PCLO: variants seen among roughly 807,000 people sequenced by gnomAD.
The protein encoded by PCLO is piccolo presynaptic cytomatrix protein.
A neutral mutation model predicts 427.5 loss-of-function variants in PCLO; 82 were observed. That is an observed-to-expected ratio of 0.19 (90% CI 0.16 to 0.23). The LOEUF is 0.23. Among genes scored for constraint, PCLO ranks in the 10% least tolerant of loss-of-function variants. The probability of loss-of-function intolerance (pLI) is 1.00; values close to 1 mark genes in which losing one functional copy is unlikely to be tolerated. For synonymous variants in PCLO, 2,357 were observed against 2,155.4 expected, an observed-to-expected ratio of 1.09 and a Z score of -2.59; for missense variants, 6,239 against 6,115.9, an observed-to-expected ratio of 1.02 and a Z score of -0.67.
chr7:82,766,149 G>C (rs776272393), intron 22 of PCLO, among the ~76,000 whole-genome samples: 5 of 152,094 alleles, frequency 3.3e-5, no homozygotes, highest in Non-Finnish European at 7.4e-5. Flanking sequence ...TGAACAATGA[G>C]AGTAGCTAGC....
chr7:82,803,413 A>T (rs1659122123), intron 21 of PCLO, among the ~76,000 whole-genome samples: 1 of 152,068 alleles, frequency 6.6e-6, no homozygotes, highest in Non-Finnish European at 1.5e-5. Context: ...CATTTTGATA[A>T]TTTTTGGGGT....
Position 82,855,354 on chromosome 7 carries a change from T to C in PCLO, c.13655-8107A>G, listed in dbSNP as rs551453037. ...CCCACAGAATGGTAGTACAGAAATATGAACCCCAACCATCTCCTAGGCCAA... is the reference window on the plus strand; with the variant it reads ...CCCACAGAATGGTAGTACAGAAATACGAACCCCAACCATCTCCTAGGCCAA... On this transcript the variant is annotated intron_variant, in intron 10 of 24. Transcript: ENST00000333891. Among the ~76,000 whole-genome samples, 78 of 152,206 alleles carry C rather than the reference T, an allele frequency of 5.1e-4. 1 individual carries two copies. In the South Asian group the frequency reaches 0.016, roughly 31 times the overall value.
At position 82,923,551 on chromosome 7, in the gene PCLO, GA is replaced by G. The variant is rs760170893; in HGVS notation, c.11113-6679del. On this transcript the variant is annotated intron_variant, in intron 6 of 24. Transcript: ENST00000333891. The stretch of plus-strand genomic sequence containing the variant: ...TTCAAACTGTAAATGTGCAATCACT[GA>G]CAATGATTTCTAATGCAGTATGTTA... Among the ~76,000 whole-genome samples, 5 of 152,180 alleles carry G rather than the reference GA, an allele frequency of 3.3e-5. No individual in the cohort carries two copies. The South Asian group carries it at 6.2e-4, about 19-fold the overall frequency.
intron 3 of PCLO, among the ~76,000 whole-genome samples, chr7:82,987,123 A>T (rs1240334324): frequency 6.6e-6 from 1 of 152,036 alleles, no homozygotes; most frequent in African/African-American, 2.4e-5. Context: ...TACCTGTTTA[A>T]ACTATCAATT....
At chr7:83,041,756 A>G (rs977663365) in intron 3 of PCLO, among the ~76,000 whole-genome samples, 3 of 152,212 alleles carry the variant, frequency 2.0e-5, no homozygotes, top group African/African-American at 7.2e-5. Flanking sequence ...ACAAGATCAA[A>G]ATCTTCATTT....
intron 3 of PCLO, among the ~76,000 whole-genome samples, chr7:83,112,620 G>A (rs1025287341): frequency 1.3e-5 from 2 of 152,192 alleles, no homozygotes; most frequent in South Asian, 2.1e-4. Context: ...AGTTTTCTAA[G>A]GCTTTCCAAA....
intron 22 of PCLO, among the ~76,000 whole-genome samples, chr7:82,791,714 C>G (rs1791105696): frequency 6.6e-6 from 1 of 152,058 alleles, no homozygotes; most frequent in Non-Finnish European, 1.5e-5. Flanking sequence ...ACTTGGTTGA[C>G]CAAGGGCTTC....
chr7:83,117,513 T>C (rs1791164092), intron 3 of PCLO, among the ~76,000 whole-genome samples: 1 of 152,206 alleles, frequency 6.6e-6, no homozygotes, highest in Non-Finnish European at 1.5e-5. Context: ...AGCATGTGTT[T>C]GCAACAGGCA....
At chr7:82,891,806 G>A (rs1357972510) in intron 9 of PCLO, among the ~76,000 whole-genome samples, 2 of 152,018 alleles carry the variant, frequency 1.3e-5, no homozygotes, top group Admixed American at 1.3e-4. Context: ...TGTGGTTTTT[G>A]TCGTTGGTTC....
chr7:82,779,616 C>G (rs1004285839), intron 22 of PCLO, among the ~76,000 whole-genome samples: 1 of 151,850 alleles, frequency 6.6e-6, no homozygotes, highest in African/African-American at 2.4e-5. Flanking sequence ...AATGAAGAAA[C>G]AAACAGGAAA....
intron 22 of PCLO, among the ~76,000 whole-genome samples, chr7:82,786,392 A>C: frequency 6.6e-6 from 1 of 152,364 alleles, no homozygotes; most frequent in African/African-American, 2.4e-5. Flanking sequence ...TTGCATATTT[A>C]GAGTTTTAAA....
intron 9 of PCLO, among the ~76,000 whole-genome samples, chr7:82,896,441 A>C (rs1793905587): frequency 1.3e-5 from 2 of 151,722 alleles, no homozygotes. Flanking sequence ...TGCTTGGAAA[A>C]GGCAAACTTA....
chr7:82,784,577 T>C (rs933174477), intron 22 of PCLO, among the ~76,000 whole-genome samples: 17 of 152,214 alleles, frequency 1.1e-4, no homozygotes, highest in Non-Finnish European at 2.9e-5. Context: ...TTGTTTAGTT[T>C]ATATTTTTCC....
intron 9 of PCLO, among the ~76,000 whole-genome samples, chr7:82,893,856 A>G (rs1267461361): frequency 2.0e-5 from 3 of 152,036 alleles, no homozygotes. Flanking sequence ...TGGCTGGTAT[A>G]TTAGAAAGAG....
chr7:82,859,806 A>G (rs2115903716), intron 10 of PCLO, among the ~76,000 whole-genome samples: 1 of 152,320 alleles, frequency 6.6e-6, no homozygotes, highest in East Asian at 1.9e-4. Context: ...TGTGTTGAGG[A>G]AATGCTAAGA....
chr7:82,928,870 T>G (rs1794776048), intron 6 of PCLO, among the ~76,000 whole-genome samples: 1 of 152,146 alleles, frequency 6.6e-6, no homozygotes, highest in Admixed American at 6.6e-5. Flanking sequence ...ACACAGCTGT[T>G]GGCTTATCAT....
At chr7:83,115,222 G>A (rs1399838224) in intron 3 of PCLO, among the ~76,000 whole-genome samples, 1 of 152,086 alleles carries the variant, frequency 6.6e-6, no homozygotes, top group Non-Finnish European at 1.5e-5. Context: ...CCCCTTGAAA[G>A]TATGGTTCAG....
At chr7:82,935,426 A>G (rs866392224) in intron 6 of PCLO, among the ~76,000 whole-genome samples, 9 of 151,414 alleles carry the variant, frequency 5.9e-5, no homozygotes, top group African/African-American at 2.2e-4. Flanking sequence ...GATATAGGAA[A>G]CATCCATAAA....
At chr7:83,136,110 T>TTA (rs1020213826) in intron 2 of PCLO, among the ~76,000 whole-genome samples, 58 of 151,346 alleles carry the variant, frequency 3.8e-4, no homozygotes, top group African/African-American at 1.3e-3. Flanking sequence ...AAAAAAAAAA[T>TTA]TATATATATA....
Sources: allele counts gnomAD v4.1 joint callset (sites outside exome capture counted in the v4.1 genomes callset), GRCh38; gene constraint gnomAD v4.1.1; transcripts MANE v1.5; gene names NCBI Gene and HGNC (gene_info 2026-07-23, HGNC 2026-07-21).